UNC13C: variants seen among roughly 807,000 people sequenced by gnomAD.
UNC13C encodes the protein protein unc-13 homolog C.
A neutral mutation model predicts 245.4 loss-of-function variants in UNC13C; 174 were observed. The observed-to-expected ratio is 0.71, with a 90% confidence interval of 0.63 to 0.80. The LOEUF (loss-of-function observed/expected upper bound fraction) is 0.80. UNC13C is among the 30% of genes least tolerant of loss of function. The pLI, the probability that UNC13C is intolerant of heterozygous loss-of-function variation, is 0.00. For synonymous variants in UNC13C, 992 were observed against 895.1 expected (o/e 1.11, Z -1.93); for missense variants, 2,829 against 2,602.9 (o/e 1.09, Z -1.89).
intron 23 of UNC13C, among the ~76,000 whole-genome samples, chr15:54,507,765 T>G (rs973009089): frequency 3.3e-5 from 5 of 151,964 alleles, no homozygotes; most frequent in African/African-American, 1.2e-4. Context: ...TATTTTATGA[T>G]GGAAGGTGAA....
At chr15:54,006,049 G>A (rs1430920118) in intron 1 of UNC13C, among the ~76,000 whole-genome samples, 5 of 152,108 alleles carry the variant, frequency 3.3e-5, no homozygotes, top group South Asian at 2.1e-4. Flanking sequence ...AGAGTTAGGC[G>A]ATTTGGGCAA....
At chr15:53,873,700 C>T in the UNC13C span, among the ~76,000 whole-genome samples, 1 of 3,124 alleles carries the variant, frequency 3.2e-4, no homozygotes. Context: ...AGCAACACCT[C>T]CCTCCTTCCA....
At chr15:54,584,213 C>T (rs1221112536) in intron 30 of UNC13C, among the ~76,000 whole-genome samples, 4 of 152,216 alleles carry the variant, frequency 2.6e-5, no homozygotes, top group South Asian at 2.1e-4. Context: ...ATATATAAAT[C>T]GCAACAGAAA....
chr15:54,560,375 T>TAAA (rs913508977), intron 29 of UNC13C, among the ~76,000 whole-genome samples: 1 of 151,836 alleles, frequency 6.6e-6, no homozygotes, highest in Admixed American at 6.6e-5. Flanking sequence ...ATTGGGATTA[T>TAAA]AAAAAAATAG....
At chr15:54,469,824 A>G (rs1207785681) in intron 19 of UNC13C, among the ~76,000 whole-genome samples, 1 of 151,442 alleles carries the variant, frequency 6.6e-6, no homozygotes, top group African/African-American at 2.4e-5. Flanking sequence ...AGCCATCCTT[A>G]TATTGTTCCT....
At chr15:54,131,335 T>C (rs4774679) in intron 2 of UNC13C, among the ~76,000 whole-genome samples, 142,714 of 152,234 alleles carry the variant, frequency 0.94, 67,595 homozygotes, top group East Asian at 1. Context: ...TGCTTGAAAA[T>C]ATTGTGTGAT....
At chr15:54,094,402 A>T (rs1013325235) in intron 2 of UNC13C, among the ~76,000 whole-genome samples, 4 of 152,132 alleles carry the variant, frequency 2.6e-5, no homozygotes, top group African/African-American at 7.2e-5. Context: ...TTTTAATACT[A>T]GCACCTTCAA....
At chr15:54,073,423 T>C (rs973799384) in intron 2 of UNC13C, among the ~76,000 whole-genome samples, 1 of 152,210 alleles carries the variant, frequency 6.6e-6, no homozygotes, top group Non-Finnish European at 1.5e-5. Context: ...GGTCCAATGG[T>C]ATTTCTGGTT....
At chr15:54,447,636 T>C (rs1460483376) in intron 19 of UNC13C, among the ~76,000 whole-genome samples, 1 of 152,202 alleles carries the variant, frequency 6.6e-6, no homozygotes, top group African/African-American at 2.4e-5. Context: ...TATCATTTTT[T>C]ATTGCATCTA....
the UNC13C span, among the ~76,000 whole-genome samples, chr15:53,917,616 AC>A: frequency 6.6e-6 from 1 of 152,136 alleles, no homozygotes; most frequent in African/African-American, 2.4e-5. Context: ...CAGACCTTGG[AC>A]AAAAATGTGA....
Position 54,624,717 on chromosome 15 carries a change from G to C in UNC13C, c.6359+763G>C, listed in dbSNP as rs539344318. On this transcript the variant is annotated intron_variant, in intron 32 of 32. Transcript: ENST00000260323. ...ATTAGTGACTAACCGGATCCTAGTA[G>C]GGAGATAGATGGAGAAGATTCTGTA... Among the ~76,000 whole-genome samples, 7 of 152,238 alleles carry C rather than the reference G, an allele frequency of 4.6e-5. No homozygotes were observed. In the East Asian group the frequency reaches 9.7e-4, roughly 21 times the overall value.
intron 7 of UNC13C, among the ~76,000 whole-genome samples, chr15:54,245,020 A>C (rs368667978): frequency 1.3e-5 from 2 of 152,318 alleles, no homozygotes; most frequent in East Asian, 3.9e-4. Flanking sequence ...GAGTGGTAAC[A>C]GAGGGCATCC....
chr15:54,179,365 A>G (rs1410043108), intron 4 of UNC13C, among the ~76,000 whole-genome samples: 1 of 152,148 alleles, frequency 6.6e-6, no homozygotes. Flanking sequence ...AATTGCTATT[A>G]TTAATATATC....
chr15:54,565,135 C>G (rs1473084282), intron 29 of UNC13C, among the ~76,000 whole-genome samples: 2 of 151,922 alleles, frequency 1.3e-5, no homozygotes, highest in Non-Finnish European at 2.9e-5. Flanking sequence ...CCTTAGATAA[C>G]AGAATTGCAT....
chr15:54,065,727 G>A (rs1319151522), intron 2 of UNC13C, among the ~76,000 whole-genome samples: 1 of 152,150 alleles, frequency 6.6e-6, no homozygotes, highest in African/African-American at 2.4e-5. Flanking sequence ...CCGTTCCATT[G>A]GCAAGAGCTA....
chr15:54,227,344 C>T (rs2035415752), intron 4 of UNC13C, among the ~76,000 whole-genome samples: 1 of 152,172 alleles, frequency 6.6e-6, no homozygotes, highest in South Asian at 2.1e-4. Context: ...CCCCAGGCTT[C>T]AAGCCATCCC....
At chr15:54,430,187 A>G (rs1414009247) in intron 19 of UNC13C, among the ~76,000 whole-genome samples, 2 of 151,700 alleles carry the variant, frequency 1.3e-5, no homozygotes, top group Non-Finnish European at 3.0e-5. Flanking sequence ...ATAAGAAAAA[A>G]GCTATTCATT....
intron 30 of UNC13C, among the ~76,000 whole-genome samples, chr15:54,620,619 T>C (rs571250145): frequency 4.0e-4 from 61 of 152,086 alleles, no homozygotes; most frequent in African/African-American, 1.5e-3. Flanking sequence ...CTCACACCCA[T>C]AATTCCAGCA....
intron 4 of UNC13C, among the ~76,000 whole-genome samples, chr15:54,181,301 A>G (rs1258646456): frequency 6.6e-6 from 1 of 152,006 alleles, no homozygotes; most frequent in South Asian, 2.1e-4. Flanking sequence ...TGAAGATCAG[A>G]TGGCTGAAGA....
Sources: allele counts gnomAD v4.1 joint callset (sites outside exome capture counted in the v4.1 genomes callset), GRCh38; gene constraint gnomAD v4.1.1; transcripts MANE v1.5; gene names NCBI Gene and HGNC (gene_info 2026-07-23, HGNC 2026-07-21).